The following FGF17 variants were observed in gnomAD, a reference collection of about 807,000 sequenced individuals.
FGF17 encodes fibroblast growth factor 17.
Under a neutral mutation model 23.5 loss-of-function variants are expected in FGF17, and 5 were observed. That is an observed-to-expected ratio of 0.21 (90% CI 0.11 to 0.45). The LOEUF (loss-of-function observed/expected upper bound fraction) is 0.45. FGF17 is among the 20% of genes least tolerant of loss of function. The probability of loss-of-function intolerance (pLI) is 0.99; values close to 1 mark genes in which losing one functional copy is unlikely to be tolerated. For missense variants in FGF17, 221 were observed against 306.9 expected (o/e 0.72, Z 2.09); for synonymous variants, 136 against 123.0 (o/e 1.11, Z -0.70).
At chr8:22,043,089 C>A in intron 1 of FGF17, 56 bp from the exon 2 acceptor site, 1 of 1,607,096 alleles carries the variant, frequency 6.2e-7, no homozygotes, top group South Asian at 1.1e-5. Flanking sequence ...GGCCTGGGTG[C>A]ACCCTAGGCT....
At chr8:22,047,003 T>A (rs1423991730) in intron 4 of FGF17, among the ~76,000 whole-genome samples, 1 of 133,544 alleles carries the variant, frequency 7.5e-6, no homozygotes, top group Non-Finnish European at 1.5e-5. Flanking sequence ...CCCTGGCTGG[T>A]CTCAAACTCA....
Position 22,048,447 on chromosome 8 carries a change from G to A in FGF17, c.*198G>A, listed in dbSNP as rs1801013917. The A allele has an allele frequency of 1.7e-6, 1 of 600,518 alleles. No individual in the cohort carries two copies. The highest frequency in any genetic ancestry group is 2.9e-6 in the Non-Finnish European group (1 of 339,716). 37.2% of individuals were successfully genotyped at this position (600,518 alleles called of 1,614,324 possible). A position where few individuals can be genotyped will look rare whatever the true frequency, so the allele number is the denominator to read the frequency against. Reference sequence around the variant, plus strand: ...CGGCTGGCACAGTGCCCCCTTCCCGGACGGGTGGCAGGCCCTGGAGAGGAA... The same window carrying A: ...CGGCTGGCACAGTGCCCCCTTCCCGAACGGGTGGCAGGCCCTGGAGAGGAA... On this transcript the variant is annotated 3_prime_UTR_variant, in exon 5 of 5. Coordinates refer to ENST00000359441, the MANE Select transcript of FGF17 (RefSeq NM_003867.4). This position sits in a 1 kb window ranked among gnomAD's most constrained non-coding sequence, Gnocchi z 6.9.
At chr8:22,044,081 C>T (rs1377212690) in intron 2 of FGF17, among the ~76,000 whole-genome samples, 1 of 151,830 alleles carries the variant, frequency 6.6e-6, no homozygotes, top group Non-Finnish European at 1.5e-5. Flanking sequence ...CCTTTTGCTT[C>T]ACACATCCAG....
In FGF17 at chr8:22,044,680, G is replaced by A. The variant is rs930353543; in HGVS notation, c.73-1434G>A. On this transcript the variant is annotated intron_variant, in intron 2 of 4. Coordinates refer to ENST00000359441, the MANE Select transcript of FGF17 (RefSeq NM_003867.4). ...CCCCCACCCCAAATGCTCCAGGGTG[G>A]GGCGAGGGGCAGGTCTTGCAGAGGC... 22 of 985,732 alleles carry A rather than the reference G, an allele frequency of 2.2e-5. No homozygotes were observed. The East Asian group carries it at 2.2e-3, about 97-fold the overall frequency. The allele number at this position is 985,732 out of a possible 1,614,324, so 61.1% of individuals were successfully genotyped here.
upstream of FGF17, chr8:22,042,542 A>G (rs1800755199): frequency 5.9e-6 from 2 of 337,342 alleles, no homozygotes; most frequent in Non-Finnish European, 1.1e-5. Flanking sequence ...GAGTTTGGCC[A>G]GTCTGTGAGG....
chr8:22,044,609 C>T (rs1025148687), intron 2 of FGF17: 3 of 874,650 alleles, frequency 3.4e-6, no homozygotes, highest in South Asian at 5.2e-5. Flanking sequence ...ATAGGCAGGA[C>T]CCCACCCCCT....
Position 22,044,774 on chromosome 8 carries a change from C to T in FGF17, c.73-1340C>T, listed in dbSNP as rs548758221. Reference sequence around the variant, plus strand: ...AACGGTGCACAGTAAGTGTTAACCCCGCGCAGGTTAAATGTCCAGCTCTGA... The same window carrying T: ...AACGGTGCACAGTAAGTGTTAACCCTGCGCAGGTTAAATGTCCAGCTCTGA... On this transcript the variant is annotated intron_variant, in intron 2 of 4. Transcript: ENST00000359441. 20 of 985,398 alleles carry T rather than the reference C, an allele frequency of 2.0e-5. 1 individual carries two copies. The South Asian group carries it at 6.1e-4, about 30-fold the overall frequency. The allele number at this position is 985,398 out of a possible 1,614,324, so 61.0% of individuals were successfully genotyped here.
At position 22,044,672 on chromosome 8, in the gene FGF17, C is replaced by T. The variant is rs898909600; in HGVS notation, c.73-1442C>T. 9.1e-6 allele frequency: 9 copies of T among 985,378 alleles called. No individual in the cohort carries two copies. In the African/African-American group the frequency reaches 1.6e-4, roughly 17 times the overall value. 61.0% of individuals were successfully genotyped at this position (985,378 alleles called of 1,614,324 possible). On this transcript the variant is annotated intron_variant, in intron 2 of 4. Transcript: ENST00000359441. ...GGGCAGGTCCCCCACCCCAAATGCT[C>T]CAGGGTGGGGCGAGGGGCAGGTCTT...
rs779616279 is a variant in FGF17, at chr8:22,046,546, G to A, written c.270G>A (p.Thr90=). Residue 90 remains threonine (T), a synonymous_variant, in exon 4 of 5, where the codon ACG becomes ACA. Coordinates refer to ENST00000359441, the MANE Select transcript of FGF17 (RefSeq NM_003867.4). The stretch of plus-strand genomic sequence containing the variant: ...CCACAGCCAAGCTCATAGTGGAGAC[G>A]GACACGTTTGGCAGCCGGGTTCGCA... The part of the protein sequence containing the change: ...GNKFAKLIVE[T]DTFGSRVRIK... The A allele has an allele frequency of 2.3e-5, 37 of 1,613,584 alleles. No individual in the cohort carries two copies. The highest frequency in any genetic ancestry group is 6.7e-5 in the Admixed American group (4 of 59,834).
In FGF17 at chr8:22,048,207, C is replaced by A. The variant is rs762499011; in HGVS notation, c.609C>A (p.Thr203=). The A allele has an allele frequency of 1.9e-5, 30 of 1,611,130 alleles. No homozygotes were observed. Among genetic ancestry groups the A allele is most frequent in the Non-Finnish European group, 2.4e-5 (28 of 1,179,260 alleles). Reference sequence around the variant, plus strand: ...TCGAGTTTGTGGGCTCCGCCCCCACCCGCCGGACCAAGCGCACACGGCGGC... The same window carrying A: ...TCGAGTTTGTGGGCTCCGCCCCCACACGCCGGACCAAGCGCACACGGCGGC... ...KQFEFVGSAP[T]RRTKRTRRPQ... is the part of the protein sequence containing the mutation. The change falls in exon 5 of 5, where the codon ACC becomes ACA. Residue 203 remains threonine (T), a synonymous_variant. Transcript: ENST00000359441. This position sits in a 1 kb window ranked among gnomAD's most constrained non-coding sequence, Gnocchi z 6.9.
intron 2 of FGF17, 68 bp from the exon 3 acceptor site, chr8:22,046,046 C>A (rs1800858697): frequency 6.2e-7 from 1 of 1,613,228 alleles, no homozygotes; most frequent in African/African-American, 1.3e-5. Context: ...ACCCCTCTCC[C>A]TTGGATGGAC....
chr8:22,043,265 G>C, intron 2 of FGF17, 84 bp downstream of exon 2: 2 of 1,367,586 alleles, frequency 1.5e-6, no homozygotes, highest in South Asian at 1.2e-5. Flanking sequence ...CTCCTTTCAG[G>C]TGGACAGAGG....
At position 22,042,834 on chromosome 8, in the gene FGF17, C is replaced by A. The variant is rs1163696527; in HGVS notation, c.-95C>A. The A allele has an allele frequency of 3.7e-6, 5 of 1,342,056 alleles. No homozygotes were observed. The African/African-American group carries it at 4.3e-5, about 12-fold the overall frequency. The allele number at this position is 1,342,056 out of a possible 1,614,324, so 83.1% of individuals were successfully genotyped here. A position where few individuals can be genotyped will look rare whatever the true frequency, so the allele number is the denominator to read the frequency against. Reference sequence around the variant, plus strand: ...CCTGAAAACCTGTGGCTCGGAGAGACCTTGGCTTCTCTGGGACTCTACCCC... The same window carrying A: ...CCTGAAAACCTGTGGCTCGGAGAGAACTTGGCTTCTCTGGGACTCTACCCC... On this transcript the variant is annotated 5_prime_UTR_variant, in exon 1 of 5. Coordinates refer to ENST00000359441, the MANE Select transcript of FGF17 (RefSeq NM_003867.4).
At chr8:22,046,449 T>A in intron 3 of FGF17, 78 bp from the exon 4 acceptor site, 1 of 1,430,502 alleles carries the variant, frequency 7.0e-7, no homozygotes, top group Non-Finnish European at 9.7e-7. Flanking sequence ...GAGGTCAGTG[T>A]GGCTGGGTGG....
chr8:22,046,373 C>T lies in FGF17; in HGVS notation c.250+82C>T. The T allele has an allele frequency of 3.9e-6, 6 of 1,536,816 alleles. No homozygotes were observed. In the Admixed American group the frequency reaches 7.1e-5, roughly 18 times the overall value. On this transcript the variant is annotated intron_variant, in intron 3 of 4. Transcript: ENST00000359441. ...CCTGCCTCACCTCCTGGTCCATCCC[C>T]AGATCCTGTGTCAGGGCTGAGGGCC... is the stretch of plus-strand genomic sequence containing the variant.
chr8:22,042,544 T>G (rs1022723598), upstream of FGF17: 1 of 358,476 alleles, frequency 2.8e-6, no homozygotes, highest in African/African-American at 2.1e-5. Context: ...GTTTGGCCAG[T>G]CTGTGAGGGT....
upstream of FGF17, chr8:22,042,769 T>TTTTCTCTCCTCCTCCTCCCC (rs1244988033): frequency 6.1e-5 from 37 of 606,944 alleles, no homozygotes; most frequent in Non-Finnish European, 1.0e-4. Flanking sequence ...CTCCTCCCTC[T>TTTTCTCTCCTCCTCCTCCCC]TTTCTCTCCT....
chr8:22,042,678 C>T, upstream of FGF17: 1 of 602,486 alleles, frequency 1.7e-6, no homozygotes, highest in Admixed American at 2.9e-5. Flanking sequence ...CCCCCACCCG[C>T]ATCTGCTTTG....
intron 4 of FGF17, 92 bp from the exon 5 acceptor site, chr8:22,047,864 C>CG: frequency 3.1e-6 from 4 of 1,293,548 alleles, no homozygotes; most frequent in Non-Finnish European, 4.3e-6. Flanking sequence ...TTCCCGTTGT[C>CG]CCTCCTCAGT....
Sources: allele counts gnomAD v4.1 joint callset (sites outside exome capture counted in the v4.1 genomes callset), GRCh38; gene constraint gnomAD v4.1.1; non-coding constraint Gnocchi (gnomAD v3.1); transcripts MANE v1.5; gene names NCBI Gene and HGNC (gene_info 2026-07-23, HGNC 2026-07-21).